PLCB4: variants seen among roughly 807,000 people sequenced by gnomAD.
PLCB4 encodes the protein 1-phosphatidylinositol 4,5-bisphosphate phosphodiesterase beta-4.
Under a neutral mutation model 178.8 loss-of-function variants are expected in PLCB4, and 77 were observed. That is an observed-to-expected ratio of 0.43 (90% confidence interval 0.36 to 0.52). The LOEUF (loss-of-function observed/expected upper bound fraction) is 0.52. Ranked by LOEUF, PLCB4 falls within the 20% of genes least tolerant of loss-of-function variation. PLCB4 has a pLI of 0.00. For synonymous variants in PLCB4, 496 were observed against 490.8 expected, an observed-to-expected ratio of 1.01 and a Z score of -0.14; for missense variants, 1,024 against 1,453.4, an observed-to-expected ratio of 0.70 and a Z score of 4.80.
intron 2 of PLCB4, among the ~76,000 whole-genome samples, chr20:9,108,141 C>T (rs540633847): frequency 6.6e-6 from 1 of 152,048 alleles, no homozygotes; most frequent in Non-Finnish European, 1.5e-5. Context: ...AATCATGATT[C>T]CCATTAGGTG....
intron 3 of PLCB4, among the ~76,000 whole-genome samples, chr20:9,302,466 C>T (rs979595754): frequency 6.6e-5 from 10 of 152,060 alleles, no homozygotes; most frequent in Non-Finnish European, 1.2e-4. Context: ...TGATGCCAGG[C>T]CCTAGGAAGT....
At chr20:9,218,561 G>A (rs2093759544) in intron 3 of PLCB4, among the ~76,000 whole-genome samples, 1 of 152,162 alleles carries the variant, frequency 6.6e-6, no homozygotes, top group African/African-American at 2.4e-5. Context: ...GTTCCTCTGG[G>A]CTGTTGGCAT....
chr20:9,161,091 T>G (rs2092880327), intron 2 of PLCB4, among the ~76,000 whole-genome samples: 1 of 152,196 alleles, frequency 6.6e-6, no homozygotes, highest in Non-Finnish European at 1.5e-5. Context: ...CAGTGGTTAT[T>G]TGAGATATGT....
At chr20:9,360,374 T>C (rs1382272414) in intron 7 of PLCB4, among the ~76,000 whole-genome samples, 1 of 152,214 alleles carries the variant, frequency 6.6e-6, no homozygotes, top group Non-Finnish European at 1.5e-5. Flanking sequence ...TGAAAGTTAT[T>C]TAAGCCTCTT....
At position 9,318,562 on chromosome 20, in the gene PLCB4, AC is replaced by A. The variant is rs555689606; in HGVS notation, c.84+10666del. Among the ~76,000 whole-genome samples the A allele has an allele frequency of 1.5e-4, 23 of 152,318 alleles. No individual in the cohort carries two copies. In the East Asian group the frequency reaches 4.3e-3, roughly 28 times the overall value. On this transcript the variant is annotated intron_variant, in intron 4 of 39. Coordinates refer to ENST00000378473, the MANE Select transcript of PLCB4 (RefSeq NM_001377142.1). The stretch of plus-strand genomic sequence containing the variant: ...ATGGCTGACAGTCATATATGTCTGC[AC>A]CTTAGCAGGACTCAGGCCCTCCTCT...
intron 7 of PLCB4, among the ~76,000 whole-genome samples, chr20:9,354,314 A>G (rs1401389104): frequency 1.3e-5 from 2 of 152,268 alleles, no homozygotes; most frequent in Non-Finnish European, 2.9e-5. Flanking sequence ...ATCAATCATT[A>G]TATATAAATT....
At chr20:9,396,064 G>A (rs2038559807) in intron 19 of PLCB4, among the ~76,000 whole-genome samples, 1 of 152,038 alleles carries the variant, frequency 6.6e-6, no homozygotes, top group Non-Finnish European at 1.5e-5. Flanking sequence ...GTAATATTTT[G>A]GTATTCTTGG....
intron 2 of PLCB4, among the ~76,000 whole-genome samples, chr20:9,133,796 C>T (rs905383921): frequency 2.0e-5 from 3 of 152,178 alleles, no homozygotes; most frequent in African/African-American, 7.2e-5. Context: ...GCAGCTCTCC[C>T]TGTGCACATG....
chr20:9,354,495 T>C (rs2034614016), intron 7 of PLCB4, among the ~76,000 whole-genome samples: 1 of 152,138 alleles, frequency 6.6e-6, no homozygotes, highest in Non-Finnish European at 1.5e-5. Context: ...AAAATGCAGA[T>C]TACTGGGCCC....
chr20:9,128,242 A>G (rs974313945), intron 2 of PLCB4, among the ~76,000 whole-genome samples: 2 of 152,012 alleles, frequency 1.3e-5, no homozygotes, highest in African/African-American at 4.8e-5. Context: ...ATGTGACACC[A>G]CCTGCTCCCT....
chr20:9,097,748 A>G (rs1272351633), intron 2 of PLCB4, among the ~76,000 whole-genome samples: 1 of 152,102 alleles, frequency 6.6e-6, no homozygotes, highest in Non-Finnish European at 1.5e-5. Flanking sequence ...GTTCTCTCTG[A>G]CAGAGCTCAC....
intron 29 of PLCB4, among the ~76,000 whole-genome samples, chr20:9,435,971 T>G (rs2041742212): frequency 6.6e-6 from 1 of 152,192 alleles, no homozygotes; most frequent in Non-Finnish European, 1.5e-5. Context: ...ATCAGAAAAA[T>G]GCAACATCCG....
chr20:9,176,279 G>C (rs745867151), intron 2 of PLCB4, among the ~76,000 whole-genome samples: 3 of 152,068 alleles, frequency 2.0e-5, no homozygotes, highest in Non-Finnish European at 4.4e-5. Flanking sequence ...CCAGTGTCAG[G>C]CTGTTAAGAG....
intron 2 of PLCB4, among the ~76,000 whole-genome samples, chr20:9,156,851 C>CCCTT (rs1281527899): frequency 4.6e-4 from 41 of 88,932 alleles, no homozygotes; most frequent in African/African-American, 9.6e-4. Flanking sequence ...CTCCCTCCCT[C>CCCTT]CCTTCCTTCC....
At chr20:9,183,857 C>A (rs1012572440) in intron 2 of PLCB4, among the ~76,000 whole-genome samples, 18 of 152,110 alleles carry the variant, frequency 1.2e-4, no homozygotes, top group Admixed American at 3.3e-4. Flanking sequence ...ATATTAGTTA[C>A]TTCATATAGC....
chr20:9,422,954 GA>G (rs1347340767), intron 27 of PLCB4, among the ~76,000 whole-genome samples: 1 of 152,188 alleles, frequency 6.6e-6, no homozygotes, highest in Non-Finnish European at 1.5e-5. Context: ...GATCAAGCAA[GA>G]TGTCCTGGTT....
intron 3 of PLCB4, among the ~76,000 whole-genome samples, chr20:9,294,815 C>T: frequency 6.6e-6 from 1 of 152,016 alleles, no homozygotes; most frequent in East Asian, 1.9e-4. Context: ...CTAAGAAGTC[C>T]CAGGTGATGT....
intron 3 of PLCB4, among the ~76,000 whole-genome samples, chr20:9,247,007 TA>T (rs1321755973): frequency 6.6e-6 from 1 of 152,172 alleles, no homozygotes; most frequent in Non-Finnish European, 1.5e-5. Context: ...CATAAAATAA[TA>T]TATAGCATTA....
At chr20:9,475,866 C>T (rs1360937175) in intron 38 of PLCB4, among the ~76,000 whole-genome samples, 1 of 152,172 alleles carries the variant, frequency 6.6e-6, no homozygotes, top group Non-Finnish European at 1.5e-5. Context: ...GTATAACTGC[C>T]TTCATAACCA....
Sources: allele counts gnomAD v4.1 joint callset (sites outside exome capture counted in the v4.1 genomes callset), GRCh38; gene constraint gnomAD v4.1.1; transcripts MANE v1.5; gene names NCBI Gene and HGNC (gene_info 2026-07-23, HGNC 2026-07-21).